CAPRIN2: variants seen among roughly 807,000 people sequenced by gnomAD.
The protein encoded by CAPRIN2 is caprin-2.
Under a neutral mutation model 130.4 loss-of-function variants are expected in CAPRIN2, and 66 were observed. The ratio of observed to expected loss-of-function variants is 0.51; its 90% CI spans 0.42 to 0.62. The LOEUF is 0.62. Ranked by LOEUF, CAPRIN2 falls within the 20% of genes least tolerant of loss-of-function variation. The pLI is 0.00. For synonymous variants in CAPRIN2, 471 were observed against 444.1 expected, an observed-to-expected ratio of 1.06 and a Z score of -0.76; for missense variants, 1,185 against 1,246.6, an observed-to-expected ratio of 0.95 and a Z score of 0.74.
intron 3 of CAPRIN2, among the ~76,000 whole-genome samples, chr12:30,737,683 T>C (rs1335343718): frequency 1.3e-5 from 2 of 150,842 alleles, no homozygotes; most frequent in Non-Finnish European, 3.0e-5. Flanking sequence ...CTGCAAGCTC[T>C]GCCTCCCGGG....
At chr12:30,742,137 A>G (rs1282101861) in intron 2 of CAPRIN2, among the ~76,000 whole-genome samples, 2 of 152,144 alleles carry the variant, frequency 1.3e-5, no homozygotes, top group African/African-American at 4.8e-5. Flanking sequence ...GATGATAGGA[A>G]TACTCTAAAA....
At chr12:30,725,633 T>G (rs1394299095) in intron 9 of CAPRIN2, among the ~76,000 whole-genome samples, 1 of 152,240 alleles carries the variant, frequency 6.6e-6, no homozygotes, top group Non-Finnish European at 1.5e-5. Flanking sequence ...ACTACAATGG[T>G]ATCTAACAAT....
At chr12:30,714,486 C>T (rs2056718670) in intron 14 of CAPRIN2, among the ~76,000 whole-genome samples, 1 of 152,152 alleles carries the variant, frequency 6.6e-6, no homozygotes, top group Admixed American at 6.5e-5. Context: ...CCCAGCCTGT[C>T]TAGAGTATTT....
intron 8 of CAPRIN2, 26 bp from the exon 10 acceptor site, chr12:30,726,114 A>C: frequency 7.2e-7 from 1 of 1,396,648 alleles, no homozygotes. Context: ...ATAATGTGTA[A>C]GAGTGAAATG....
intron 3 of CAPRIN2, among the ~76,000 whole-genome samples, chr12:30,740,234 A>C (rs1025387694): frequency 6.6e-6 from 1 of 152,070 alleles, no homozygotes; most frequent in Admixed American, 6.5e-5. Context: ...ACACCACTGC[A>C]CTCTAGGCTG....
chr12:30,732,396 T>A (rs972357386), intron 5 of CAPRIN2, among the ~76,000 whole-genome samples: 4 of 150,354 alleles, frequency 2.7e-5, no homozygotes, highest in African/African-American at 7.3e-5. Flanking sequence ...TTTTGTCTTT[T>A]AAAAAAAAAA....
At chr12:30,714,960 T>C in exon 14 of CAPRIN2, 1 of 1,612,662 alleles carries the variant, frequency 6.2e-7, no homozygotes, top group Non-Finnish European at 8.5e-7. Context: ...AGGGCATACC[T>C]TTATAACCAC....
intron 3 of CAPRIN2, among the ~76,000 whole-genome samples, chr12:30,736,191 G>C: frequency 6.6e-6 from 1 of 150,644 alleles, no homozygotes; most frequent in South Asian, 2.1e-4. Context: ...TACATAGATT[G>C]AGCAGCCCTA....
intron 2 of CAPRIN2, among the ~76,000 whole-genome samples, chr12:30,750,651 C>A (rs1286947244): frequency 6.6e-6 from 1 of 151,908 alleles, no homozygotes; most frequent in Non-Finnish European, 1.5e-5. Flanking sequence ...GGTGAGGCAG[C>A]TAGAGAAAAC....
In CAPRIN2 at chr12:30,713,873, TA is replaced by T; in HGVS notation, c.2512del (p.Tyr838IlefsTer60). 6.3e-7 allele frequency: 1 copy of T among 1,593,718 alleles called. No individual in the cohort carries two copies. Among genetic ancestry groups the T allele is most frequent in the Non-Finnish European group, 8.6e-7 (1 of 1,162,260 alleles). On this transcript the variant is annotated frameshift_variant, in exon 15 of 17. Coordinates refer to ENST00000298892, the Ensembl canonical transcript of CAPRIN2. LOFTEE classifies it high-confidence loss of function. ...ATTGGAAATTGAAGGGAGTCCTCTATAAGTATCAAAACCTAATAAATAAACA... is the reference window on the plus strand; with the variant it reads ...ATTGGAAATTGAAGGGAGTCCTCTATAGTATCAAAACCTAATAAATAAACA...
intron 3 of CAPRIN2, among the ~76,000 whole-genome samples, chr12:30,737,897 G>A (rs750741535): frequency 9.2e-5 from 14 of 152,016 alleles, no homozygotes; most frequent in South Asian, 2.1e-4. Flanking sequence ...GCGCCTGGCC[G>A]ATAAAATTGG....
At chr12:30,714,358 A>G (rs112071445) in intron 14 of CAPRIN2, among the ~76,000 whole-genome samples, 2,459 of 152,154 alleles carry the variant, frequency 0.016, 56 homozygotes, top group African/African-American at 0.057. Flanking sequence ...ATATTTTTTA[A>G]TTCTTTGTAG....
chr12:30,733,791 C>T, intron 4 of CAPRIN2, 80 bp from the exon 6 acceptor site: 1 of 889,360 alleles, frequency 1.1e-6, no homozygotes, highest in Non-Finnish European at 1.9e-6. Context: ...TGCAATATAA[C>T]CCATTAACAG....
chr12:30,736,261 C>T (rs2064722277), intron 3 of CAPRIN2, among the ~76,000 whole-genome samples: 1 of 151,888 alleles, frequency 6.6e-6, no homozygotes, highest in Non-Finnish European at 1.5e-5. Context: ...TTCATGGGTC[C>T]CAGAAAGGAC....
chr12:30,733,448 G>A (rs1014740697), intron 5 of CAPRIN2, among the ~76,000 whole-genome samples, 181 bp downstream of exon 6: 3 of 152,070 alleles, frequency 2.0e-5, no homozygotes, highest in Admixed American at 6.6e-5. Flanking sequence ...TTAGTGACTA[G>A]GGTTATACAA....
exon 16 of CAPRIN2, chr12:30,711,580 C>A: frequency 6.2e-7 from 1 of 1,613,584 alleles, no homozygotes; most frequent in Non-Finnish European, 8.5e-7. Context: ...CGAATTTGCT[C>A]GTGGACCACC....
At chr12:30,741,624 T>G (rs2067481050) in intron 2 of CAPRIN2, among the ~76,000 whole-genome samples, 2 of 152,058 alleles carry the variant, frequency 1.3e-5, no homozygotes, top group African/African-American at 4.8e-5. Context: ...TTTTTAAAGA[T>G]TTCCCAGATA....
chr12:30,711,613 C>T, exon 16 of CAPRIN2: 1 of 1,613,654 alleles, frequency 6.2e-7, no homozygotes, highest in Non-Finnish European at 8.5e-7. Context: ...TCGCTTATAA[C>T]ACTGCTGGAA....
At chr12:30,713,663 G>T in intron 15 of CAPRIN2, 122 bp downstream of exon 17, 1 of 568,344 alleles carries the variant, frequency 1.8e-6, no homozygotes. Flanking sequence ...GGACTTACAA[G>T]TAGTTTTAAA....
Sources: gnomAD v4.1 joint callset for allele counts (sites outside exome capture counted in the v4.1 genomes callset) on GRCh38, gnomAD v4.1.1 for gene constraint, MANE v1.5 for transcripts, NCBI Gene and HGNC (gene_info 2026-07-23, HGNC 2026-07-21) for gene names.